Variants in SLC39A11 observed in about 807,000 individuals in gnomAD.
The protein encoded by SLC39A11 is solute carrier family 39 member 11, also known as zinc transporter ZIP11.
Under a neutral mutation model 36.1 loss-of-function variants are expected in SLC39A11, and 33 were observed. That is an observed-to-expected ratio of 0.91 (90% CI 0.69 to 1.22). The LOEUF is 1.22. Among genes scored for constraint, SLC39A11 ranks in the 50% most tolerant of loss-of-function variants. The pLI, the probability that SLC39A11 is intolerant of heterozygous loss-of-function variation, is 0.00. For missense variants in SLC39A11, 432 were observed against 430.3 expected, an observed-to-expected ratio of 1.00 and a Z score of -0.03; for synonymous variants, 166 against 170.3, an observed-to-expected ratio of 0.97 and a Z score of 0.20.
intron 7 of SLC39A11, among the ~76,000 whole-genome samples, chr17:72,679,100 G>C (rs1300334277): frequency 1.3e-5 from 2 of 152,174 alleles, no homozygotes; most frequent in African/African-American, 4.8e-5. Context: ...TAGAATGGTG[G>C]CTACCAGAGG....
At chr17:72,697,543 C>T (rs116791061) in intron 7 of SLC39A11, among the ~76,000 whole-genome samples, 3 of 152,184 alleles carry the variant, frequency 2.0e-5, no homozygotes, top group Non-Finnish European at 4.4e-5. Flanking sequence ...CCCATCACCA[C>T]CACACCATCT....
chr17:72,815,284 G>A (rs1030255137), intron 6 of SLC39A11, among the ~76,000 whole-genome samples: 1 of 152,198 alleles, frequency 6.6e-6, no homozygotes, highest in Non-Finnish European at 1.5e-5. Flanking sequence ...AGAAAATCAA[G>A]CTGTTATGAT....
At chr17:73,062,592 T>C (rs578067987) in intron 3 of SLC39A11, among the ~76,000 whole-genome samples, 5 of 147,442 alleles carry the variant, frequency 3.4e-5, no homozygotes, top group African/African-American at 1.2e-4. Flanking sequence ...GTTTGCATGT[T>C]TCCTGGTTGG....
At position 72,773,873 on chromosome 17, in the gene SLC39A11, A is replaced by G. The variant is rs144662372; in HGVS notation, c.602-37154T>C. On this transcript the variant is annotated intron_variant, in intron 6 of 9. Coordinates refer to ENST00000255559, the MANE Select transcript of SLC39A11 (RefSeq NM_139177.4). ...AAGGAGGAACAGGGGCTGAAGCGCGAAACACCAACCATCTGCAGAGTTCCT... is the reference window on the plus strand; with the variant it reads ...AAGGAGGAACAGGGGCTGAAGCGCGGAACACCAACCATCTGCAGAGTTCCT... Among the ~76,000 whole-genome samples the G allele has an allele frequency of 3.3e-5, 5 of 152,332 alleles. No individual in the cohort carries two copies. The East Asian group carries it at 9.6e-4, about 29-fold the overall frequency.
At chr17:72,746,434 A>C (rs1465242316) in intron 6 of SLC39A11, among the ~76,000 whole-genome samples, 1 of 146,018 alleles carries the variant, frequency 6.8e-6, no homozygotes, top group Non-Finnish European at 1.5e-5. Context: ...TGGGCAACAT[A>C]GCAAGACCCC....
intron 7 of SLC39A11, among the ~76,000 whole-genome samples, chr17:72,675,635 T>C (rs1467472230): frequency 2.0e-5 from 3 of 152,180 alleles, no homozygotes; most frequent in South Asian, 4.1e-4. Flanking sequence ...CTTGGGTCTC[T>C]AGTCGTTGCT....
intron 4 of SLC39A11, among the ~76,000 whole-genome samples, chr17:72,971,028 G>A (rs1440534583): frequency 2.0e-5 from 3 of 152,122 alleles, no homozygotes; most frequent in South Asian, 2.1e-4. Context: ...TTATGCGGCC[G>A]GATGTTACAT....
Position 72,717,020 on chromosome 17 carries a change from C to T in SLC39A11, c.671+19630G>A, listed in dbSNP as rs1254069531. On this transcript the variant is annotated intron_variant, in intron 7 of 9. Transcript: ENST00000255559. ...ACACACACACACACACACACACACA[C>T]ACACATATACACATATAAAATATAT... Among the ~76,000 whole-genome samples, 962 of 143,698 alleles carry T rather than the reference C, an allele frequency of 6.7e-3. 10 individuals carry two copies. The highest frequency in any genetic ancestry group is 0.024 in the African/African-American group (897 of 38,056). The allele number at this position is 143,698 out of a possible 152,430, so 94.3% of individuals were successfully genotyped here.
intron 5 of SLC39A11, among the ~76,000 whole-genome samples, chr17:72,871,056 GTTTT>G (rs34776144): frequency 2.4e-5 from 3 of 124,316 alleles, no homozygotes; most frequent in Admixed American, 1.6e-4. Flanking sequence ...TTTTGTTTTT[GTTTT>G]TTTTTTTTTT....
chr17:72,820,701 T>C (rs1428365637), intron 6 of SLC39A11, among the ~76,000 whole-genome samples: 1 of 151,046 alleles, frequency 6.6e-6, no homozygotes, highest in Admixed American at 6.6e-5. Flanking sequence ...TATGCAGGCA[T>C]GGGGTGAGAT....
chr17:72,740,679 T>TGA (rs1568013683), intron 6 of SLC39A11, among the ~76,000 whole-genome samples: 1 of 152,236 alleles, frequency 6.6e-6, no homozygotes, highest in Admixed American at 6.5e-5. Flanking sequence ...ACGTAAGAAC[T>TGA]GAGAGAGATC....
chr17:73,090,851 A>G (rs2060900672), intron 1 of SLC39A11, among the ~76,000 whole-genome samples: 1 of 152,152 alleles, frequency 6.6e-6, no homozygotes, highest in South Asian at 2.1e-4. Flanking sequence ...AGGGACACAG[A>G]GGGAAGACCG....
At chr17:72,986,128 T>C (rs773848885) in intron 4 of SLC39A11, among the ~76,000 whole-genome samples, 1 of 152,182 alleles carries the variant, frequency 6.6e-6, no homozygotes, top group South Asian at 2.1e-4. Flanking sequence ...CCTCTAGAAC[T>C]GAGACAATAA....
chr17:72,871,592 C>T (rs2080631440), intron 5 of SLC39A11, among the ~76,000 whole-genome samples: 1 of 152,106 alleles, frequency 6.6e-6, no homozygotes. Context: ...ATGACCCATC[C>T]ATAAAACCCC....
intron 5 of SLC39A11, among the ~76,000 whole-genome samples, chr17:72,896,754 A>C (rs1037230187): frequency 6.6e-6 from 1 of 152,010 alleles, no homozygotes; most frequent in Admixed American, 6.6e-5. Flanking sequence ...AATGACGCTT[A>C]AGAAAAGTCC....
chr17:72,872,021 G>A (rs972920261), intron 5 of SLC39A11, among the ~76,000 whole-genome samples: 2 of 152,162 alleles, frequency 1.3e-5, no homozygotes, highest in African/African-American at 4.8e-5. Context: ...GCTTGGTGTA[G>A]GAACACTGCA....
intron 7 of SLC39A11, among the ~76,000 whole-genome samples, chr17:72,671,385 T>C (rs1237751443): frequency 6.6e-6 from 1 of 152,196 alleles, no homozygotes; most frequent in Admixed American, 6.5e-5. Context: ...AATAAATTCA[T>C]TATATTATTA....
At chr17:72,913,842 A>G (rs556010063) in intron 5 of SLC39A11, among the ~76,000 whole-genome samples, 3 of 152,252 alleles carry the variant, frequency 2.0e-5, no homozygotes, top group South Asian at 4.2e-4. Context: ...ATATTCTTCA[A>G]ACATCTCCAG....
chr17:72,729,420 TATATATATATATATATATATA>T (rs1567994287), intron 7 of SLC39A11, among the ~76,000 whole-genome samples: 4 of 2,334 alleles, frequency 1.7e-3, no homozygotes, highest in East Asian at 8.1e-3. Context: ...TATATATATA[TATATATATATATATATATATA>T]TATATATATA....
Sources: gnomAD v4.1 joint callset for allele counts (sites outside exome capture counted in the v4.1 genomes callset) on GRCh38, gnomAD v4.1.1 for gene constraint, MANE v1.5 for transcripts, NCBI Gene and HGNC (gene_info 2026-07-23, HGNC 2026-07-21) for gene names.